Variants in EME2 observed in about 807,000 individuals in gnomAD.
The protein encoded by EME2 is structure-specific endonuclease subunit EME2.
A neutral mutation model predicts 41.9 loss-of-function variants in EME2; 58 were observed. The ratio of observed to expected loss-of-function variants is 1.38; its 90% CI spans 1.12 to 1.72. The LOEUF is 1.72. Ranked by LOEUF, EME2 falls within the 40% of genes most tolerant of loss-of-function variation. The pLI is 0.00. For synonymous variants in EME2, 334 were observed against 239.3 expected, an observed-to-expected ratio of 1.40 and a Z score of -3.65; for missense variants, 695 against 541.9, an observed-to-expected ratio of 1.28 and a Z score of -2.81.
Position 1,775,610 on chromosome 16 carries a change from A to G in EME2, c.705A>G (p.Leu235=), listed in dbSNP as rs112119477. 32 of 1,612,800 alleles carry G rather than the reference A, an allele frequency of 2.0e-5. No homozygotes were observed. The African/African-American group carries it at 2.7e-4, about 13-fold the overall frequency. The change falls in exon 6 of 8, where the codon CTA becomes CTG. Residue 235 remains leucine (L), a synonymous_variant. Coordinates refer to ENST00000568449, the MANE Select transcript of EME2 (RefSeq NM_001257370.2). ...AGCTCTGGGCAAACCTGGACGTGCT[A>G]CTGGTGGCCTCTTGGCAGGAGCTGA... The part of the protein sequence containing the change: ...LLQLWANLDV[L]LVASWQELSR...
chr16:1,780,879 C>G lies in EME2; in HGVS notation c.*4641C>G. 1 of 330,914 alleles carries G rather than the reference C, an allele frequency of 3.0e-6. No homozygotes were observed. Among genetic ancestry groups the G allele is most frequent in the Non-Finnish European group, 5.9e-6 (1 of 169,100 alleles). The allele number at this position is 330,914 out of a possible 1,614,324, so 20.5% of individuals were successfully genotyped here. A position where few individuals can be genotyped will look rare whatever the true frequency, so the allele number is the denominator to read the frequency against. On this transcript the variant is annotated 3_prime_UTR_variant, in exon 8 of 8. Coordinates refer to ENST00000568449, the MANE Select transcript of EME2 (RefSeq NM_001257370.2). ...TCCTGAGTCGTTGGGACTACAGGCA[C>G]GTGCCACCACGCCTGACACATTTTT...
chr16:1,773,700 C>T lies in EME2; in HGVS notation c.248-5C>T. ...AGTGACCGCGCTCCTCTCCCCCGGTCCCAGCCATCCTGGAAGACGCCGGTG... is the reference window on the plus strand; with the variant it reads ...AGTGACCGCGCTCCTCTCCCCCGGTTCCAGCCATCCTGGAAGACGCCGGTG... On this transcript the variant is annotated splice_region_variant and splice_polypyrimidine_tract_variant and intron_variant, in intron 1 of 7. Coordinates refer to ENST00000568449, the MANE Select transcript of EME2 (RefSeq NM_001257370.2). 1 of 1,548,616 alleles carries T rather than the reference C, an allele frequency of 6.5e-7. No individual in the cohort carries two copies. The highest frequency in any genetic ancestry group is 8.7e-7 in the Non-Finnish European group (1 of 1,147,040).
chr16:1,773,210 G>A lies in EME2; in HGVS notation c.-18G>A. 6.9e-7 allele frequency: 1 copy of A among 1,442,948 alleles called. No individual in the cohort carries two copies. The highest frequency in any genetic ancestry group is 9.0e-7 in the Non-Finnish European group (1 of 1,107,316). The allele number at this position is 1,442,948 out of a possible 1,614,324, so 89.4% of individuals were successfully genotyped here. Reference sequence around the variant, plus strand: ...GTGTTCGGTCGCGGCCGGAAGCGAGGAAGAGGTCGGTCCGGCCATGGCGCG... The same window carrying A: ...GTGTTCGGTCGCGGCCGGAAGCGAGAAAGAGGTCGGTCCGGCCATGGCGCG... On this transcript the variant is annotated 5_prime_UTR_variant, in exon 1 of 8. Coordinates refer to ENST00000568449, the MANE Select transcript of EME2 (RefSeq NM_001257370.2).
At chr16:1,775,490 G>C in intron 5 of EME2, 79 bp from the exon 6 acceptor site, 1 of 1,593,958 alleles carries the variant, frequency 6.3e-7, no homozygotes, top group South Asian at 1.1e-5. Context: ...TTCCCAGCGT[G>C]GTACATGGGG....
chr16:1,777,042 G>A lies in EME2; in HGVS notation c.*804G>A, dbSNP rs970031106. On this transcript the variant is annotated 3_prime_UTR_variant, in exon 8 of 8. Coordinates refer to ENST00000568449, the MANE Select transcript of EME2 (RefSeq NM_001257370.2). ...TGGAAGGAAGGGACAGAGAAAGAAG[G>A]GACAGAGGAAAGGGGCTGTCCCAGC... 1.2e-5 allele frequency: 18 copies of A among 1,562,740 alleles called. No homozygotes were observed. Among genetic ancestry groups the A allele is most frequent in the East Asian group, 6.7e-5 (3 of 44,492 alleles).
In EME2 at chr16:1,775,300, G is replaced by A. The variant is rs762888063; in HGVS notation, c.570-15G>A. On this transcript the variant is annotated splice_polypyrimidine_tract_variant and intron_variant, in intron 4 of 7. Coordinates refer to ENST00000568449, the MANE Select transcript of EME2 (RefSeq NM_001257370.2). ...GCCCCATGGGGAGCGGGGAGGAATG[G>A]TCACCTCTGCTCAGGTCTCGCCAGC... The A allele has an allele frequency of 3.1e-6, 5 of 1,609,306 alleles. No homozygotes were observed. Among genetic ancestry groups the A allele is most frequent in the Non-Finnish European group, 4.2e-6 (5 of 1,179,806 alleles).
Position 1,778,311 on chromosome 16 carries a change from C to G in EME2, c.*2073C>G. On this transcript the variant is annotated 3_prime_UTR_variant, in exon 8 of 8. Transcript: ENST00000568449. ...ATGACTTATTTAAGTCATCCCAGAC[C>G]CAGTCGAAATCTGCAAGAGAGGCCC... The G allele has an allele frequency of 6.2e-7, 1 of 1,612,334 alleles. No individual in the cohort carries two copies. The highest frequency in any genetic ancestry group is 8.5e-7 in the Non-Finnish European group (1 of 1,179,980).
intron 1 of EME2, 48 bp from the exon 2 acceptor site, chr16:1,773,657 G>A (rs574989090): frequency 4.5e-6 from 7 of 1,546,240 alleles, no homozygotes; most frequent in Non-Finnish European, 6.1e-6. Flanking sequence ...TAGGGCGCTC[G>A]CGAGGGTGGA....
In EME2 at chr16:1,775,396, G is replaced by T. The variant is rs767566598; in HGVS notation, c.651G>T (p.Pro217=). Reference sequence around the variant, plus strand: ...GTGCCGAGGTGGCCGTCAGCTGGCCGGAGGTGGAAGAGGTGAGGGCCTGTC... The same window carrying T: ...GTGCCGAGGTGGCCGTCAGCTGGCCTGAGGTGGAAGAGGTGAGGGCCTGTC... ...VAGAEVAVSW[P]EVEEALVLLQ... is the part of the protein sequence containing the mutation. The change falls in exon 5 of 8, where the codon CCG becomes CCT. Residue 217 remains proline (P), a synonymous_variant. Coordinates refer to ENST00000568449, the MANE Select transcript of EME2 (RefSeq NM_001257370.2). 5.6e-6 allele frequency: 9 copies of T among 1,612,476 alleles called. No homozygotes were observed. Among genetic ancestry groups the T allele is most frequent in the African/African-American group, 1.3e-5 (1 of 74,940 alleles).
chr16:1,776,361 G>T lies in EME2; in HGVS notation c.*123G>T. The T allele has an allele frequency of 6.5e-6, 6 of 928,008 alleles. No homozygotes were observed. Among genetic ancestry groups the T allele is most frequent in the Non-Finnish European group, 8.3e-6 (5 of 604,820 alleles). 57.5% of individuals were successfully genotyped at this position (928,008 alleles called of 1,614,324 possible). On this transcript the variant is annotated 3_prime_UTR_variant, in exon 8 of 8. Transcript: ENST00000568449. ...CTGGGTGGGTTCTCTGGCTGAGCAG[G>T]TCTGACCTCAGGGGAAGGGTGGGTG...
rs370634879 is a variant in EME2 at position 1,776,320 on chromosome 16, CAT to C, written c.*83_*84del. 11 of 1,429,878 alleles carry C rather than the reference CAT, an allele frequency of 7.7e-6. No homozygotes were observed. The African/African-American group carries it at 1.4e-4, about 18-fold the overall frequency. 88.6% of individuals were successfully genotyped at this position (1,429,878 alleles called of 1,614,324 possible). ...GGCGGTGGGGGAGGACCCCCAGCCA[CAT>C]GTGGACCCTCAGCCTGGGTGGGTTC... is the stretch of plus-strand genomic sequence containing the variant. On this transcript the variant is annotated 3_prime_UTR_variant, in exon 8 of 8. Transcript: ENST00000568449.
rs1185797111 is a variant in EME2 at position 1,774,394 on chromosome 16, G to A, written c.477+42G>A. ...AGTAGTCCCTCTCTAATCAGGAGGG[G>A]TGGGTTCCCAGCCGGGAGGCGCCTG... On this transcript the variant is annotated intron_variant, in intron 3 of 7. Transcript: ENST00000568449. 6.5e-6 allele frequency: 10 copies of A among 1,536,676 alleles called. No individual in the cohort carries two copies. In the Admixed American group the frequency reaches 1.5e-4, roughly 23 times the overall value.
Position 1,777,898 on chromosome 16 carries a change from G to A in EME2, c.*1660G>A. 1 of 1,611,858 alleles carries A rather than the reference G, an allele frequency of 6.2e-7. No homozygotes were observed. Among genetic ancestry groups the A allele is most frequent in the African/African-American group, 1.3e-5 (1 of 75,046 alleles). On this transcript the variant is annotated 3_prime_UTR_variant, in exon 8 of 8. Coordinates refer to ENST00000568449, the MANE Select transcript of EME2 (RefSeq NM_001257370.2). ...CTGGGGGCAGCCAGGGTCGCAGTGA[G>A]CCCGGGAGCTCCAGGCTCGGCCCCG...
chr16:1,776,356 A>C lies in EME2; in HGVS notation c.*118A>C. 2.0e-6 allele frequency: 2 copies of C among 1,019,048 alleles called. No individual in the cohort carries two copies. Among genetic ancestry groups the C allele is most frequent in the Non-Finnish European group, 2.9e-6 (2 of 680,994 alleles). 63.1% of individuals were successfully genotyped at this position (1,019,048 alleles called of 1,614,324 possible). ...TCAGCCTGGGTGGGTTCTCTGGCTG[A>C]GCAGGTCTGACCTCAGGGGAAGGGT... is the stretch of plus-strand genomic sequence containing the variant. On this transcript the variant is annotated 3_prime_UTR_variant, in exon 8 of 8. Coordinates refer to ENST00000568449, the MANE Select transcript of EME2 (RefSeq NM_001257370.2).
chr16:1,778,929 G>A lies in EME2; in HGVS notation c.*2691G>A, dbSNP rs2042754351. ...CCCACCTGCCCAGAGCTGAGATGGT[G>A]TGGACACCTTCCCTGCTAGGCCAGC... On this transcript the variant is annotated 3_prime_UTR_variant, in exon 8 of 8. Transcript: ENST00000568449. The A allele has an allele frequency of 7.3e-6, 2 of 273,082 alleles. No individual in the cohort carries two copies. Among genetic ancestry groups the A allele is most frequent in the South Asian group, 1.1e-4 (1 of 8,868 alleles). 16.9% of individuals were successfully genotyped at this position (273,082 alleles called of 1,614,324 possible). A position where few individuals can be genotyped will look rare whatever the true frequency, so the allele number is the denominator to read the frequency against.
At position 1,778,534 on chromosome 16, in the gene EME2, A is replaced by C. The variant is rs2042748624; in HGVS notation, c.*2296A>C. 6.2e-7 allele frequency: 1 copy of C among 1,609,198 alleles called. No homozygotes were observed. Among genetic ancestry groups the C allele is most frequent in the Non-Finnish European group, 8.5e-7 (1 of 1,177,602 alleles). On this transcript the variant is annotated 3_prime_UTR_variant, in exon 8 of 8. Coordinates refer to ENST00000568449, the MANE Select transcript of EME2 (RefSeq NM_001257370.2). The stretch of plus-strand genomic sequence containing the variant: ...CTCTGCCCAGCACAGTCACAGAAGG[A>C]CTCGCCGGTCACGGGCACCGCACTG...
intron 3 of EME2, 108 bp downstream of exon 3, chr16:1,774,460 C>G: frequency 1.1e-6 from 1 of 898,412 alleles, no homozygotes; most frequent in South Asian, 1.4e-5. Context: ...CTGGAGGGGG[C>G]ATGGGGCAGG....
Position 1,775,347 on chromosome 16 carries a change from A to G in EME2, c.602A>G (p.Gln201Arg), listed in dbSNP as rs1469495773. 6.2e-7 allele frequency: 1 copy of G among 1,611,206 alleles called. No homozygotes were observed. Among genetic ancestry groups the G allele is most frequent in the African/African-American group, 1.3e-5 (1 of 74,934 alleles). ...SRQHVSRGTQ[Q>R]PESPKVAGAE... ...CAGCACGTTTCCCGGGGGACACAGCAGCCAGAGAGCCCGAAGGTGGCCGGT... is the reference window on the plus strand; with the variant it reads ...CAGCACGTTTCCCGGGGGACACAGCGGCCAGAGAGCCCGAAGGTGGCCGGT... Residue 201 changes from glutamine (Q) to arginine (R), a missense_variant, in exon 5 of 8, where the codon CAG becomes CGG. Gln to Arg is a conservative substitution (Grantham distance 43). Transcript: ENST00000568449.
At position 1,780,995 on chromosome 16, in the gene EME2, A is replaced by T. The variant is rs575970640; in HGVS notation, c.*4757A>T. The stretch of plus-strand genomic sequence containing the variant: ...TGGTCCTCCAGCTTCAGCCTCCCAA[A>T]GTGCTAGGATTATAGGTGTGAGCCA... On this transcript the variant is annotated 3_prime_UTR_variant, in exon 8 of 8. Transcript: ENST00000568449. The T allele has an allele frequency of 2.1e-5, 9 of 425,374 alleles. No individual in the cohort carries two copies. The highest frequency in any genetic ancestry group is 1.2e-4 in the African/African-American group (6 of 48,526). The allele number at this position is 425,374 out of a possible 1,614,324, so 26.3% of individuals were successfully genotyped here.
Sources: gnomAD v4.1 joint callset for allele counts on GRCh38, gnomAD v4.1.1 for gene constraint, MANE v1.5 for transcripts, NCBI Gene and HGNC (gene_info 2026-07-23, HGNC 2026-07-21) for gene names.